The following BCAS3 variants were observed in gnomAD, a reference collection of about 807,000 sequenced individuals.
The protein encoded by BCAS3 is BCAS4/BCAS3 fusion.
Under a neutral mutation model 116.1 loss-of-function variants are expected in BCAS3, and 53 were observed. The observed-to-expected ratio is 0.46, with a 90% CI of 0.37 to 0.57. The LOEUF is 0.57. Ranked by LOEUF, BCAS3 falls within the 20% of genes least tolerant of loss-of-function variation. The pLI, the probability that BCAS3 is intolerant of heterozygous loss-of-function variation, is 0.00. For synonymous variants in BCAS3, 391 were observed against 408.2 expected, an observed-to-expected ratio of 0.96 and a Z score of 0.51; for missense variants, 917 against 1,165.4, an observed-to-expected ratio of 0.79 and a Z score of 3.10.
chr17:61,330,556 G>A (rs897907982), intron 22 of BCAS3, among the ~76,000 whole-genome samples: 19 of 152,198 alleles, frequency 1.2e-4, no homozygotes, highest in African/African-American at 3.9e-4. Context: ...GTGCCTCTGC[G>A]GCCAGTGGAC....
At position 61,179,171 on chromosome 17, in the gene BCAS3, T is replaced by C. The variant is rs534442319; in HGVS notation, c.2425+94607T>C. Among the ~76,000 whole-genome samples the C allele has an allele frequency of 4.9e-4, 75 of 152,290 alleles. 1 individual carries two copies. The highest frequency in any genetic ancestry group is 1.7e-3 in the African/African-American group (72 of 41,570). On this transcript the variant is annotated intron_variant, in intron 22 of 23. Transcript: ENST00000407086. ...GGTCTTGCTAGAAACAGCTATTTAA[T>C]TTTAATCAAACTTGTTTTTCTTTGC...
At position 61,322,794 on chromosome 17, in the gene BCAS3, CAGAGAGAGAGAGAG is replaced by C. The variant is rs35581770; in HGVS notation, c.2426-45511_2426-45498del. Among the ~76,000 whole-genome samples the C allele has an allele frequency of 3.3e-3, 329 of 99,664 alleles. 2 individuals carry two copies. Among genetic ancestry groups the C allele is most frequent in the Middle Eastern group, 5.6e-3 (1 of 180 alleles). 65.4% of individuals were successfully genotyped at this position (99,664 alleles called of 152,430 possible). ...TTAAGCCTCTCTTGAGAGAGAGAGA[CAGAGAGAGAGAGAG>C]AGAGAGAGAGAGAGAGAGAGACAGA... is the stretch of plus-strand genomic sequence containing the variant. On this transcript the variant is annotated intron_variant, in intron 22 of 23. Transcript: ENST00000407086.
At chr17:60,789,969 G>A (rs2046616827) in intron 6 of BCAS3, among the ~76,000 whole-genome samples, 1 of 151,458 alleles carries the variant, frequency 6.6e-6, no homozygotes, top group Admixed American at 6.6e-5. Flanking sequence ...TTTTCTGGAT[G>A]GTCTGCCTTA....
intron 19 of BCAS3, among the ~76,000 whole-genome samples, chr17:61,046,057 TTATATATATATAA>T (rs2068254485): frequency 1.0e-4 from 2 of 19,096 alleles, no homozygotes; most frequent in South Asian, 1.5e-3. Flanking sequence ...AATATATATA[TTATATATATATAA>T]TATATATATA....
At chr17:61,247,271 A>G (rs1207860519) in intron 22 of BCAS3, among the ~76,000 whole-genome samples, 1 of 152,204 alleles carries the variant, frequency 6.6e-6, no homozygotes, top group Non-Finnish European at 1.5e-5. Flanking sequence ...TTTTTCTTAT[A>G]GTATTCTATA....
intron 23 of BCAS3, among the ~76,000 whole-genome samples, chr17:61,372,972 T>C (rs1270801456): frequency 6.6e-6 from 1 of 152,260 alleles, no homozygotes; most frequent in East Asian, 1.9e-4. Flanking sequence ...ATTTTCTCTT[T>C]CGACTTTAAC....
At chr17:61,177,820 T>C (rs2079233526) in intron 22 of BCAS3, among the ~76,000 whole-genome samples, 1 of 152,208 alleles carries the variant, frequency 6.6e-6, no homozygotes, top group African/African-American at 2.4e-5. Context: ...AGTAGGTCTT[T>C]TAAGTGGAAG....
intron 5 of BCAS3, among the ~76,000 whole-genome samples, chr17:60,716,553 T>C (rs969062913): frequency 6.6e-6 from 1 of 152,006 alleles, no homozygotes; most frequent in Non-Finnish European, 1.5e-5. Context: ...GTGTATCGCT[T>C]GAGGCCAGGA....
At chr17:61,112,666 T>TAGAC (rs2075167099) in intron 22 of BCAS3, among the ~76,000 whole-genome samples, 1 of 140,164 alleles carries the variant, frequency 7.1e-6, no homozygotes, top group Admixed American at 7.2e-5. Context: ...CTGTCAACAT[T>TAGAC]AGACAGATCA....
chr17:61,059,711 C>T (rs964881161), intron 19 of BCAS3, among the ~76,000 whole-genome samples: 10 of 152,082 alleles, frequency 6.6e-5, no homozygotes, highest in African/African-American at 1.7e-4. Flanking sequence ...TAATATTGGG[C>T]ACATTTTCAA....
At chr17:60,817,627 C>T (rs1055509163) in intron 7 of BCAS3, among the ~76,000 whole-genome samples, 3 of 152,086 alleles carry the variant, frequency 2.0e-5, no homozygotes, top group South Asian at 2.1e-4. Flanking sequence ...GCTCCCATCA[C>T]GCATCACTGT....
chr17:61,266,085 C>CA (rs1461896031), intron 22 of BCAS3, among the ~76,000 whole-genome samples: 1 of 152,182 alleles, frequency 6.6e-6, no homozygotes, highest in Admixed American at 6.5e-5. Flanking sequence ...AGCCTGTCCT[C>CA]ACGTTCATTA....
chr17:61,044,220 G>A (rs892900438), intron 19 of BCAS3, among the ~76,000 whole-genome samples: 1 of 151,780 alleles, frequency 6.6e-6, no homozygotes, highest in African/African-American at 2.4e-5. Context: ...GACCAAGGCC[G>A]GCAGATCACG....
At chr17:61,287,116 C>T (rs1488647993) in intron 22 of BCAS3, among the ~76,000 whole-genome samples, 2 of 151,850 alleles carry the variant, frequency 1.3e-5, no homozygotes, top group Admixed American at 1.3e-4. Flanking sequence ...GGCGTGGTGG[C>T]GGGCACCTGT....
intron 8 of BCAS3, among the ~76,000 whole-genome samples, chr17:60,870,041 G>A (rs570182602): frequency 4.6e-5 from 7 of 152,186 alleles, no homozygotes; most frequent in South Asian, 2.1e-4. Context: ...AAAATTAATC[G>A]CAAAATATGG....
At chr17:60,781,636 C>A (rs2045843092) in intron 6 of BCAS3, among the ~76,000 whole-genome samples, 1 of 151,680 alleles carries the variant, frequency 6.6e-6, no homozygotes, top group Non-Finnish European at 1.5e-5. Flanking sequence ...TCCTAGACTG[C>A]CTTATACTTA....
At chr17:60,915,653 G>A (rs1324350096) in intron 12 of BCAS3, among the ~76,000 whole-genome samples, 1 of 140,688 alleles carries the variant, frequency 7.1e-6, no homozygotes, top group Non-Finnish European at 1.5e-5. Flanking sequence ...AGTCCATTCA[G>A]GTTGCAGCAT....
chr17:60,799,708 C>CTTTTT lies in BCAS3; in HGVS notation c.404-8273_404-8269dup, dbSNP rs67510415. 5.7e-3 allele frequency among the ~76,000 whole-genome samples: 282 copies of CTTTTT among 49,786 alleles called. 2 individuals are homozygous for CTTTTT. Among genetic ancestry groups the CTTTTT allele is most frequent in the Non-Finnish European group, 6.9e-3 (197 of 28,684 alleles). 32.7% of individuals were successfully genotyped at this position (49,786 alleles called of 152,430 possible). On this transcript the variant is annotated intron_variant, in intron 6 of 23. Transcript: ENST00000407086. Reference sequence around the variant, plus strand: ...TACGCCTGGCTAATTTTTTTCTTTTCTTTTTTTTTTTTTTTTTTTTTTTTT... The same window carrying CTTTTT: ...TACGCCTGGCTAATTTTTTTCTTTTCTTTTTTTTTTTTTTTTTTTTTTTTTTTTTT...
chr17:61,253,221 T>G (rs1014286135), intron 22 of BCAS3, among the ~76,000 whole-genome samples: 2 of 151,628 alleles, frequency 1.3e-5, no homozygotes, highest in Non-Finnish European at 2.9e-5. Flanking sequence ...CTGTTCTATG[T>G]CTCAGTCTCA....
Sources: allele counts gnomAD v4.1 joint callset (sites outside exome capture counted in the v4.1 genomes callset), GRCh38; gene constraint gnomAD v4.1.1; transcripts MANE v1.5; gene names NCBI Gene and HGNC (gene_info 2026-07-23, HGNC 2026-07-21).